PLS1: variants seen among roughly 807,000 people sequenced by gnomAD.
PLS1 encodes plastin-1.
Under a neutral mutation model 73.7 loss-of-function variants are expected in PLS1, and 32 were observed. That is an observed-to-expected ratio of 0.43 (90% CI 0.33 to 0.58). PLS1 has a LOEUF of 0.58. Among genes scored for constraint, PLS1 ranks in the 20% least tolerant of loss-of-function variants. PLS1 has a pLI of 0.04. For missense variants in PLS1, 633 were observed against 740.5 expected, an observed-to-expected ratio of 0.85 and a Z score of 1.68; for synonymous variants, 217 against 261.3, an observed-to-expected ratio of 0.83 and a Z score of 1.63.
chr3:142,616,895 C>A (rs2036225612), intron 1 of PLS1, among the ~76,000 whole-genome samples: 1 of 152,182 alleles, frequency 6.6e-6, no homozygotes, highest in African/African-American at 2.4e-5. Context: ...AGCCACCGCA[C>A]CCGGCCAGTG....
chr3:142,673,129 C>T (rs1388854681), intron 4 of PLS1, among the ~76,000 whole-genome samples: 2 of 152,142 alleles, frequency 1.3e-5, no homozygotes, highest in Admixed American at 1.3e-4. Context: ...GCAGCCTCGA[C>T]CTCCAGAGTT....
intron 6 of PLS1, among the ~76,000 whole-genome samples, chr3:142,680,891 A>G (rs1049987807): frequency 1.3e-5 from 2 of 152,166 alleles, no homozygotes; most frequent in Non-Finnish European, 2.9e-5. Flanking sequence ...CTCATTTCTT[A>G]ATCACTGTGT....
At chr3:142,669,241 C>G in intron 2 of PLS1, 149 bp from the exon 3 acceptor site, 1 of 517,288 alleles carries the variant, frequency 1.9e-6, no homozygotes, top group Non-Finnish European at 3.4e-6. Context: ...ATATTCTGTA[C>G]AGTTCAGGTA....
At chr3:142,615,680 T>C (rs2036202659) in intron 1 of PLS1, among the ~76,000 whole-genome samples, 1 of 152,024 alleles carries the variant, frequency 6.6e-6, no homozygotes, top group African/African-American at 2.4e-5. Flanking sequence ...TAGTGAACAA[T>C]TGCCTCTGGG....
chr3:142,676,898 C>G (rs1450882795), intron 5 of PLS1, among the ~76,000 whole-genome samples: 2 of 152,018 alleles, frequency 1.3e-5, no homozygotes, highest in East Asian at 1.9e-4. Context: ...TCCTTACCAC[C>G]CATAAATGAC....
At chr3:142,662,839 T>A (rs891002045) in intron 1 of PLS1, among the ~76,000 whole-genome samples, 1 of 152,234 alleles carries the variant, frequency 6.6e-6, no homozygotes, top group Non-Finnish European at 1.5e-5. Flanking sequence ...AATGTGTTAG[T>A]ACCAACAAAA....
chr3:142,679,715 C>T (rs530802967), intron 6 of PLS1, among the ~76,000 whole-genome samples: 10 of 151,956 alleles, frequency 6.6e-5, no homozygotes, highest in African/African-American at 2.4e-4. Context: ...CGTGATGCCT[C>T]CAGCTTTGTT....
At chr3:142,656,080 A>G (rs531147336) in intron 1 of PLS1, among the ~76,000 whole-genome samples, 3 of 151,950 alleles carry the variant, frequency 2.0e-5, no homozygotes, top group African/African-American at 7.2e-5. Context: ...TTGTGCCTCA[A>G]CCCCCCAAGT....
At chr3:142,601,539 T>A (rs1275513987) in intron 1 of PLS1, among the ~76,000 whole-genome samples, 1 of 152,198 alleles carries the variant, frequency 6.6e-6, no homozygotes, top group East Asian at 1.9e-4. Context: ...TTTTAATTTT[T>A]ATTTTTTAAA....
At chr3:142,607,931 G>C (rs1351264249) in intron 1 of PLS1, among the ~76,000 whole-genome samples, 1 of 151,866 alleles carries the variant, frequency 6.6e-6, no homozygotes, top group Non-Finnish European at 1.5e-5. Context: ...AGTATTCAGG[G>C]CAACTTGATC....
At position 142,626,624 on chromosome 3, in the gene PLS1, C is replaced by T. The variant is rs1478343771; in HGVS notation, c.-37+30115C>T. Among the ~76,000 whole-genome samples, 5 of 152,182 alleles carry T rather than the reference C, an allele frequency of 3.3e-5. No individual in the cohort carries two copies. In the South Asian group the frequency reaches 8.3e-4, roughly 25 times the overall value. On this transcript the variant is annotated intron_variant, in intron 1 of 15. Coordinates refer to ENST00000457734, the MANE Select transcript of PLS1 (RefSeq NM_001145319.2). Reference sequence around the variant, plus strand: ...TATAAAGTTGTATTTTATATAATCTCGATAATTGTGACTTTTTTGCCCAAC... The same window carrying T: ...TATAAAGTTGTATTTTATATAATCTTGATAATTGTGACTTTTTTGCCCAAC...
intron 8 of PLS1, 55 bp from the exon 9 acceptor site, chr3:142,686,229 A>G: frequency 9.5e-7 from 1 of 1,051,438 alleles, no homozygotes; most frequent in Non-Finnish European, 1.5e-6. Flanking sequence ...TTTTCCCTAA[A>G]TTCAATGATG....
chr3:142,621,143 G>A (rs1431258284), intron 1 of PLS1, among the ~76,000 whole-genome samples: 2 of 152,086 alleles, frequency 1.3e-5, no homozygotes, highest in African/African-American at 4.8e-5. Flanking sequence ...AATTTTTTCA[G>A]TATTTTTTTC....
chr3:142,609,880 T>G (rs1171731888), intron 1 of PLS1, among the ~76,000 whole-genome samples: 2 of 152,188 alleles, frequency 1.3e-5, no homozygotes, highest in African/African-American at 2.4e-5. Context: ...ATGTATGTAT[T>G]TATTTTGAGA....
chr3:142,678,631 C>T lies in PLS1; in HGVS notation c.579+518C>T, dbSNP rs1476822250. 1.2e-3 allele frequency among the ~76,000 whole-genome samples: 187 copies of T among 150,440 alleles called. 2 individuals carry two copies. The highest frequency in any genetic ancestry group is 4.5e-3 in the African/African-American group (184 of 41,148). On this transcript the variant is annotated intron_variant, in intron 6 of 15. Transcript: ENST00000457734. ...CATTTTTTATGGCTGCATAGTATTCCATGGTGTATATGTGCCACATTTTCT... is the reference window on the plus strand; with the variant it reads ...CATTTTTTATGGCTGCATAGTATTCTATGGTGTATATGTGCCACATTTTCT...
At chr3:142,675,358 C>G (rs1045248934) in intron 4 of PLS1, among the ~76,000 whole-genome samples, 1 of 151,320 alleles carries the variant, frequency 6.6e-6, no homozygotes, top group South Asian at 2.1e-4. Context: ...CCTAATAGAT[C>G]AGTTTTTTGT....
chr3:142,692,838 CAT>C (rs537209567), intron 10 of PLS1, among the ~76,000 whole-genome samples: 7 of 150,578 alleles, frequency 4.6e-5, no homozygotes, highest in Non-Finnish European at 7.4e-5. Context: ...CTATTAGAAA[CAT>C]ATATATATAT....
Position 142,694,500 on chromosome 3 carries a change from C to T in PLS1, c.1209C>T (p.Asn403=). 1.9e-6 allele frequency: 3 copies of T among 1,605,650 alleles called. No homozygotes were observed. The highest frequency in any genetic ancestry group is 2.6e-6 in the Non-Finnish European group (3 of 1,172,538). The change falls in exon 11 of 16, where the codon AAC becomes AAT. Residue 403 remains asparagine, a synonymous_variant. Coordinates refer to ENST00000457734, the MANE Select transcript of PLS1 (RefSeq NM_001145319.2). ...GCAAGGAAGAGAGAACATTTCGGAA[C>T]TGGATGAATTCCTTGGGAGTCAACC... ...GESKEERTFR[N]WMNSLGVNPY...
At chr3:142,664,584 G>A (rs2037437175) in intron 2 of PLS1, among the ~76,000 whole-genome samples, 1 of 151,950 alleles carries the variant, frequency 6.6e-6, no homozygotes, top group South Asian at 2.1e-4. Context: ...ACTTTACACG[G>A]TATCCTTATT....
Sources: allele counts gnomAD v4.1 joint callset (sites outside exome capture counted in the v4.1 genomes callset), GRCh38; gene constraint gnomAD v4.1.1; transcripts MANE v1.5; gene names NCBI Gene and HGNC (gene_info 2026-07-23, HGNC 2026-07-21).